Variants in EAF2 observed in about 807,000 individuals in gnomAD.
EAF2 encodes ELL-associated factor 2.
A neutral mutation model predicts 29.4 loss-of-function variants in EAF2; 29 were observed. That is an observed-to-expected ratio of 0.99 (90% confidence interval 0.73 to 1.35). EAF2 has a LOEUF of 1.35. EAF2 is among the 40% of genes most tolerant of loss of function. EAF2 has a pLI of 0.00. For synonymous variants in EAF2, 103 were observed against 102.5 expected, an observed-to-expected ratio of 1.00 and a Z score of -0.03; for missense variants, 292 against 312.0, an observed-to-expected ratio of 0.94 and a Z score of 0.48.
At chr3:121,847,646 G>A (rs114019501) in intron 2 of EAF2, among the ~76,000 whole-genome samples, 2,286 of 152,046 alleles carry the variant, frequency 0.015, 62 homozygotes, top group African/African-American at 0.052. Context: ...GTTGGGGAGA[G>A]GGGGGGAGGA....
chr3:121,879,360 C>T (rs975803384), intron 5 of EAF2, among the ~76,000 whole-genome samples: 1 of 151,800 alleles, frequency 6.6e-6, no homozygotes, highest in Non-Finnish European at 1.5e-5. Flanking sequence ...TTGATTGTTT[C>T]TTTTGTTGTG....
intron 4 of EAF2, among the ~76,000 whole-genome samples, chr3:121,871,807 G>T (rs543451785): frequency 5.3e-5 from 8 of 152,046 alleles, no homozygotes; most frequent in Non-Finnish European, 1.0e-4. Flanking sequence ...TGACTTAAAA[G>T]TCAGTAGATT....
intron 4 of EAF2, among the ~76,000 whole-genome samples, chr3:121,871,145 T>A (rs1304539631): frequency 6.6e-6 from 1 of 151,436 alleles, no homozygotes; most frequent in Non-Finnish European, 1.5e-5. Context: ...AAGTAGAAAA[T>A]GGGTAACTAA....
At chr3:121,840,511 A>T (rs1312011373) in intron 1 of EAF2, among the ~76,000 whole-genome samples, 20 of 111,516 alleles carry the variant, frequency 1.8e-4, no homozygotes, top group East Asian at 1.7e-3. Flanking sequence ...AAAAAAAAGA[A>T]AAAAAAAAAA....
chr3:121,869,356 A>T (rs779212714), intron 4 of EAF2, among the ~76,000 whole-genome samples: 5 of 152,220 alleles, frequency 3.3e-5, no homozygotes, highest in African/African-American at 9.6e-5. Context: ...AGAGACAAAT[A>T]ATGAAAATAA....
intron 4 of EAF2, among the ~76,000 whole-genome samples, chr3:121,861,814 G>T (rs1168514132): frequency 6.6e-6 from 1 of 152,136 alleles, no homozygotes; most frequent in African/African-American, 2.4e-5. Flanking sequence ...GGTACCGGCT[G>T]TTCCTTTCCA....
At chr3:121,862,753 C>G (rs1437567443) in intron 4 of EAF2, among the ~76,000 whole-genome samples, 1 of 152,168 alleles carries the variant, frequency 6.6e-6, no homozygotes, top group Non-Finnish European at 1.5e-5. Flanking sequence ...AGAAGAGGCA[C>G]TCTGATTTTT....
At chr3:121,836,531 T>G in intron 1 of EAF2, 1 of 697,694 alleles carries the variant, frequency 1.4e-6, no homozygotes, top group Non-Finnish European at 1.8e-6. Flanking sequence ...AAGGGTTTTT[T>G]TAAAGCAAAA....
At chr3:121,848,964 A>G (rs1055282836) in intron 2 of EAF2, among the ~76,000 whole-genome samples, 5 of 152,154 alleles carry the variant, frequency 3.3e-5, no homozygotes, top group Non-Finnish European at 7.4e-5. Flanking sequence ...CTGGGTATGT[A>G]GTCCTTGAAC....
chr3:121,845,454 A>AG (rs1708511895), intron 2 of EAF2, among the ~76,000 whole-genome samples: 1 of 147,398 alleles, frequency 6.8e-6, no homozygotes, highest in African/African-American at 2.5e-5. Context: ...AAAAAAAAAA[A>AG]AAAAAAAAGA....
intron 5 of EAF2, among the ~76,000 whole-genome samples, chr3:121,881,676 A>G (rs1386005695): frequency 6.6e-6 from 1 of 151,438 alleles, no homozygotes; most frequent in African/African-American, 2.4e-5. Context: ...CACCCGGCTA[A>G]TTTTTTTGTA....
At chr3:121,873,351 A>G (rs1447029149) in intron 5 of EAF2, among the ~76,000 whole-genome samples, 1 of 151,822 alleles carries the variant, frequency 6.6e-6, no homozygotes, top group Non-Finnish European at 1.5e-5. Context: ...ATTATTTTCA[A>G]TGGCTGAAGT....
intron 4 of EAF2, among the ~76,000 whole-genome samples, chr3:121,860,089 G>T (rs985300442): frequency 1.3e-5 from 2 of 152,162 alleles, no homozygotes; most frequent in Non-Finnish European, 2.9e-5. Context: ...TTTTATTGAG[G>T]ATTTTCACAT....
intron 4 of EAF2, among the ~76,000 whole-genome samples, chr3:121,863,143 A>T (rs978628350): frequency 3.3e-5 from 5 of 152,200 alleles, no homozygotes; most frequent in African/African-American, 9.6e-5. Context: ...TTCGGGGGTC[A>T]GGGACCCACT....
At chr3:121,840,957 G>A (rs1452130891) in intron 1 of EAF2, among the ~76,000 whole-genome samples, 4 of 152,272 alleles carry the variant, frequency 2.6e-5, no homozygotes, top group Non-Finnish European at 5.9e-5. Flanking sequence ...CTTCAGAGAA[G>A]AGGGAACTTT....
intron 4 of EAF2, among the ~76,000 whole-genome samples, chr3:121,860,301 G>C (rs113709426): frequency 0.023 from 3,455 of 152,192 alleles, 132 homozygotes; most frequent in African/African-American, 0.079. Flanking sequence ...GTCTGGTCCT[G>C]GCCTTTTTTT....
rs1708737693 is a variant in EAF2 at position 121,857,278 on chromosome 3, G to A, written c.484+122G>A. 1.5e-5 allele frequency: 11 copies of A among 751,460 alleles called. No homozygotes were observed. The South Asian group carries it at 2.4e-4, about 16-fold the overall frequency. 46.5% of individuals were successfully genotyped at this position (751,460 alleles called of 1,614,324 possible). A position where few individuals can be genotyped will look rare whatever the true frequency, so the allele number is the denominator to read the frequency against. On this transcript the variant is annotated intron_variant, in intron 4 of 5. Transcript: ENST00000273668. ...GGAGGCCGAGGCAGGCGGATCATGA[G>A]GTCAGTAGTTCAACACCAGCCTGGC...
At chr3:121,876,436 A>G (rs981096512) in intron 5 of EAF2, among the ~76,000 whole-genome samples, 10 of 151,892 alleles carry the variant, frequency 6.6e-5, no homozygotes, top group African/African-American at 2.2e-4. Context: ...AAACAGAAGG[A>G]AAGTGTGGAA....
intron 4 of EAF2, among the ~76,000 whole-genome samples, chr3:121,858,027 C>G (rs895224137): frequency 2.6e-5 from 4 of 152,158 alleles, no homozygotes; most frequent in African/African-American, 4.8e-5. Context: ...GCATAGTATT[C>G]CATGGTGTAT....
Sources: gnomAD v4.1 joint callset for allele counts (sites outside exome capture counted in the v4.1 genomes callset) on GRCh38, gnomAD v4.1.1 for gene constraint, MANE v1.5 for transcripts, NCBI Gene and HGNC (gene_info 2026-07-23, HGNC 2026-07-21) for gene names.